Variants in FBXW7 observed in about 807,000 individuals in gnomAD.
FBXW7 encodes F-box/WD repeat-containing protein 7.
FBXW7 carries 11 observed loss-of-function variants against 86.3 expected under a neutral mutation model. The observed-to-expected ratio is 0.13, with a 90% CI of 0.08 to 0.21. The LOEUF (loss-of-function observed/expected upper bound fraction) is 0.21, where lower values mean the gene tolerates loss of function less well. FBXW7 is among the 10% of genes least tolerant of loss of function. FBXW7 has a pLI of 1.00. For missense variants in FBXW7, 488 were observed against 847.4 expected (o/e 0.58, Z 5.27); for synonymous variants, 313 against 297.9 (o/e 1.05, Z -0.52).
intron 2 of FBXW7, among the ~76,000 whole-genome samples, chr4:152,464,816 A>T (rs891671188): frequency 4.6e-5 from 7 of 152,168 alleles, no homozygotes; most frequent in African/African-American, 1.7e-4. Flanking sequence ...TCATTAAAGA[A>T]GTAAATATTG....
At chr4:152,497,769 G>A (rs527727135) in intron 2 of FBXW7, among the ~76,000 whole-genome samples, 2 of 151,986 alleles carry the variant, frequency 1.3e-5, no homozygotes, top group Admixed American at 6.6e-5. Flanking sequence ...CTACTTTCAG[G>A]TATCTATCCT....
intron 4 of FBXW7, among the ~76,000 whole-genome samples, chr4:152,359,613 A>AAAAACAAAACAAAAC (rs200795248): frequency 6.6e-6 from 1 of 151,928 alleles, no homozygotes; most frequent in South Asian, 2.1e-4. Context: ...AAAAACTACC[A>AAAAACAAAACAAAAC]AAAACAAAAC....
chr4:152,378,619 G>A (rs1247605962), intron 4 of FBXW7, among the ~76,000 whole-genome samples: 1 of 152,166 alleles, frequency 6.6e-6, no homozygotes. Context: ...AATTTTAAGA[G>A]AATATTCTAA....
At chr4:152,531,767 T>A (rs1750042798) in intron 2 of FBXW7, among the ~76,000 whole-genome samples, 1 of 152,062 alleles carries the variant, frequency 6.6e-6, no homozygotes, top group Admixed American at 6.5e-5. Context: ...AACATGAATT[T>A]GAGGAAACAA....
chr4:152,524,424 G>A (rs946475450), intron 2 of FBXW7, among the ~76,000 whole-genome samples: 42 of 152,288 alleles, frequency 2.8e-4, no homozygotes, highest in African/African-American at 9.9e-4. Context: ...CCTTCTCCTA[G>A]CAGGTATGGT....
chr4:152,356,995 T>C (rs1732445716), intron 4 of FBXW7, among the ~76,000 whole-genome samples: 1 of 152,196 alleles, frequency 6.6e-6, no homozygotes, highest in African/African-American at 2.4e-5. Context: ...TGTAACGTAA[T>C]ATACACAAAC....
At chr4:152,529,240 T>C (rs1227544957) in intron 2 of FBXW7, among the ~76,000 whole-genome samples, 1 of 152,012 alleles carries the variant, frequency 6.6e-6, no homozygotes. Flanking sequence ...AAGACAAAAA[T>C]TAAAAGATTT....
intron 7 of FBXW7, among the ~76,000 whole-genome samples, chr4:152,336,614 G>A (rs528431783): frequency 1.3e-5 from 2 of 152,112 alleles, no homozygotes; most frequent in African/African-American, 4.8e-5. Flanking sequence ...GAGAGCTGAC[G>A]TCACTTTCAT....
intron 4 of FBXW7, among the ~76,000 whole-genome samples, chr4:152,376,948 A>G (rs567128320): frequency 6.6e-6 from 1 of 152,262 alleles, no homozygotes; most frequent in East Asian, 1.9e-4. Context: ...AGGAAAAAAA[A>G]AACTTAAAAG....
chr4:152,348,655 C>G, intron 5 of FBXW7: 1 of 914,994 alleles, frequency 1.1e-6, no homozygotes, highest in African/African-American at 1.8e-5. Context: ...GCCTTAAAAA[C>G]AAGTGAACAA....
chr4:152,513,609 G>A (rs1295602364), intron 2 of FBXW7, among the ~76,000 whole-genome samples: 1 of 152,162 alleles, frequency 6.6e-6, no homozygotes, highest in Non-Finnish European at 1.5e-5. Context: ...ATTCAATAAA[G>A]TTTACCATTG....
intron 4 of FBXW7, among the ~76,000 whole-genome samples, chr4:152,394,066 T>C (rs1736212389): frequency 1.3e-5 from 2 of 152,132 alleles, no homozygotes; most frequent in Admixed American, 6.6e-5. Context: ...AGCTAGAAGT[T>C]ACCCTAATAA....
At chr4:152,396,630 T>G (rs187509048) in intron 4 of FBXW7, among the ~76,000 whole-genome samples, 61 of 152,182 alleles carry the variant, frequency 4.0e-4, no homozygotes, top group African/African-American at 1.3e-3. Flanking sequence ...TCTTTTTATT[T>G]GATTTACCTT....
At chr4:152,511,194 C>T (rs1388991007) in intron 2 of FBXW7, among the ~76,000 whole-genome samples, 1 of 152,004 alleles carries the variant, frequency 6.6e-6, no homozygotes, top group East Asian at 1.9e-4. Flanking sequence ...CGACTTCTCT[C>T]CCCTTTTGCT....
intron 4 of FBXW7, among the ~76,000 whole-genome samples, chr4:152,407,917 C>A (rs2126864485): frequency 6.6e-6 from 1 of 152,290 alleles, no homozygotes; most frequent in East Asian, 1.9e-4. Context: ...GTTGCCCAGG[C>A]TGGTCTCAAG....
intron 2 of FBXW7, among the ~76,000 whole-genome samples, chr4:152,518,397 A>C (rs977913457): frequency 2.6e-5 from 4 of 151,850 alleles, no homozygotes; most frequent in Non-Finnish European, 4.4e-5. Flanking sequence ...CTACGCTCAA[A>C]ACCATCCTCC....
chr4:152,321,771 C>CA lies in FBXW7; in HGVS notation c.*1109dup. On this transcript the variant is annotated 3_prime_UTR_variant, in exon 14 of 14. Coordinates refer to ENST00000281708, the MANE Select transcript of FBXW7 (RefSeq NM_001349798.2). ...ACGTTCATCCATTCACCACAGCCCT[C>CA]AAAAAGAAAAGTTTCTCCACAGAAC... is the stretch of plus-strand genomic sequence containing the variant. 8.6e-6 allele frequency: 2 copies of CA among 232,800 alleles called. No homozygotes were observed. Among genetic ancestry groups the CA allele is most frequent in the Non-Finnish European group, 1.7e-5 (2 of 117,518 alleles). The allele number at this position is 232,800 out of a possible 1,614,324, so 14.4% of individuals were successfully genotyped here. A position where few individuals can be genotyped will look rare whatever the true frequency, so the allele number is the denominator to read the frequency against.
At chr4:152,438,442 C>T (rs1253585440) in intron 2 of FBXW7, among the ~76,000 whole-genome samples, 1 of 152,014 alleles carries the variant, frequency 6.6e-6, no homozygotes, top group Non-Finnish European at 1.5e-5. Context: ...CTTTGGGAGG[C>T]CAAGCCAGGT....
At chr4:152,327,582 T>C (rs1729165531) in intron 11 of FBXW7, among the ~76,000 whole-genome samples, 1 of 152,018 alleles carries the variant, frequency 6.6e-6, no homozygotes, top group African/African-American at 2.4e-5. Context: ...GCAGAAACCA[T>C]TTTGAAAACT....
Sources: allele counts gnomAD v4.1 joint callset (sites outside exome capture counted in the v4.1 genomes callset), GRCh38; gene constraint gnomAD v4.1.1; transcripts MANE v1.5; gene names NCBI Gene and HGNC (gene_info 2026-07-23, HGNC 2026-07-21).